Variants in ENOX1 observed in about 807,000 individuals in gnomAD.
The protein encoded by ENOX1 is ecto-NOX disulfide-thiol exchanger 1.
A neutral mutation model predicts 82.5 loss-of-function variants in ENOX1; 42 were observed. The observed-to-expected ratio is 0.51, with a 90% CI of 0.40 to 0.66. The LOEUF is 0.66. Among genes scored for constraint, ENOX1 ranks in the 30% least tolerant of loss-of-function variants. ENOX1 has a pLI of 0.00. For synonymous variants in ENOX1, 271 were observed against 282.2 expected (o/e 0.96, Z 0.40); for missense variants, 608 against 811.6 (o/e 0.75, Z 3.05).
intron 1 of ENOX1, among the ~76,000 whole-genome samples, chr13:43,685,084 C>G (rs960036898): frequency 1.3e-5 from 2 of 152,120 alleles, no homozygotes; most frequent in Admixed American, 6.6e-5. Flanking sequence ...CCCAGGATCC[C>G]CAAGGCTGTG....
At chr13:43,583,907 A>G (rs2080861951) in intron 2 of ENOX1, among the ~76,000 whole-genome samples, 1 of 152,038 alleles carries the variant, frequency 6.6e-6, no homozygotes, top group Non-Finnish European at 1.5e-5. Flanking sequence ...CCATACTTAA[A>G]CATTTTGACG....
chr13:43,218,137 T>A (rs1257727286), intron 16 of ENOX1, among the ~76,000 whole-genome samples: 1 of 152,236 alleles, frequency 6.6e-6, no homozygotes, highest in East Asian at 1.9e-4. Context: ...AATTACTTAA[T>A]ACATACTTCA....
intron 5 of ENOX1, among the ~76,000 whole-genome samples, chr13:43,382,079 A>G (rs2052086409): frequency 6.6e-6 from 1 of 152,104 alleles, no homozygotes; most frequent in South Asian, 2.1e-4. Context: ...AAAACTATAG[A>G]CAATATTCAG....
At chr13:43,725,723 T>C (rs1056698310) in intron 1 of ENOX1, among the ~76,000 whole-genome samples, 1 of 150,710 alleles carries the variant, frequency 6.6e-6, no homozygotes, top group Non-Finnish European at 1.5e-5. Context: ...CCTAGCACTT[T>C]GGGAGGCAGA....
intron 3 of ENOX1, among the ~76,000 whole-genome samples, chr13:43,479,736 C>A (rs921356235): frequency 6.6e-6 from 1 of 152,110 alleles, no homozygotes; most frequent in African/African-American, 2.4e-5. Flanking sequence ...GGGGGCTACA[C>A]CCAGCTCCAT....
chr13:43,783,814 T>G (rs1266435877), intron 1 of ENOX1, among the ~76,000 whole-genome samples: 6 of 152,158 alleles, frequency 3.9e-5, no homozygotes, highest in Non-Finnish European at 5.9e-5. Flanking sequence ...CAATAATTCT[T>G]ATTATAATAA....
intron 2 of ENOX1, among the ~76,000 whole-genome samples, chr13:43,509,141 G>C (rs994319336): frequency 2.0e-5 from 3 of 151,858 alleles, no homozygotes; most frequent in Admixed American, 2.0e-4. Context: ...CAATATTTTA[G>C]AACAGATGAC....
chr13:43,610,096 TG>T (rs1302606593), intron 2 of ENOX1, among the ~76,000 whole-genome samples: 1 of 152,208 alleles, frequency 6.6e-6, no homozygotes, highest in Non-Finnish European at 1.5e-5. Flanking sequence ...TTCCAAATGC[TG>T]GGAATTGCAA....
chr13:43,580,012 C>A (rs1315684986), intron 2 of ENOX1, among the ~76,000 whole-genome samples: 2 of 151,826 alleles, frequency 1.3e-5, no homozygotes, highest in African/African-American at 2.4e-5. Flanking sequence ...AAGGGGTGCA[C>A]CCACATGCAA....
At chr13:43,736,319 G>A (rs142488297) in intron 1 of ENOX1, among the ~76,000 whole-genome samples, 22 of 152,202 alleles carry the variant, frequency 1.4e-4, no homozygotes, top group East Asian at 1.2e-3. Flanking sequence ...CTAATCAACC[G>A]GTTATGTATC....
intron 11 of ENOX1, among the ~76,000 whole-genome samples, chr13:43,305,095 G>A (rs1297772264): frequency 1.3e-5 from 2 of 152,116 alleles, no homozygotes; most frequent in Non-Finnish European, 2.9e-5. Context: ...TTCATCATTG[G>A]TAGCCTCATT....
intron 9 of ENOX1, among the ~76,000 whole-genome samples, chr13:43,342,415 G>A (rs1006512359): frequency 3.3e-5 from 5 of 152,138 alleles, no homozygotes; most frequent in African/African-American, 1.2e-4. Context: ...TTATGAGAAT[G>A]GGAAGGAAAA....
At chr13:43,624,825 G>C (rs1163629323) in intron 2 of ENOX1, among the ~76,000 whole-genome samples, 1 of 151,994 alleles carries the variant, frequency 6.6e-6, no homozygotes, top group Non-Finnish European at 1.5e-5. Flanking sequence ...AAATTGCCTA[G>C]ACTAAGTCCT....
intron 11 of ENOX1, among the ~76,000 whole-genome samples, chr13:43,299,338 CT>C (rs1468757330): frequency 2.0e-5 from 3 of 152,002 alleles, no homozygotes; most frequent in Non-Finnish European, 4.4e-5. Context: ...AGGGAAATCC[CT>C]TTCCCTAGTT....
intron 14 of ENOX1, among the ~76,000 whole-genome samples, chr13:43,241,042 C>G (rs908132831): frequency 1.3e-5 from 2 of 152,186 alleles, no homozygotes; most frequent in African/African-American, 2.4e-5. Context: ...CTTCTGGGAA[C>G]AGTCTCTCAG....
At chr13:43,456,201 A>G (rs879406013) in intron 3 of ENOX1, among the ~76,000 whole-genome samples, 7 of 151,938 alleles carry the variant, frequency 4.6e-5, no homozygotes, top group Non-Finnish European at 8.8e-5. Context: ...GCTTCCTGAA[A>G]TATCTATATC....
intron 2 of ENOX1, among the ~76,000 whole-genome samples, chr13:43,605,193 A>G (rs1347958787): frequency 6.6e-6 from 1 of 152,190 alleles, no homozygotes; most frequent in African/African-American, 2.4e-5. Context: ...TTTCATGTGC[A>G]TGGGCTGGAA....
intron 14 of ENOX1, among the ~76,000 whole-genome samples, chr13:43,240,103 G>A (rs1367339208): frequency 6.6e-6 from 1 of 152,156 alleles, no homozygotes; most frequent in Admixed American, 6.5e-5. Flanking sequence ...TTAAGGCGAA[G>A]GGAATACACA....
intron 5 of ENOX1, among the ~76,000 whole-genome samples, chr13:43,397,712 T>C (rs981491935): frequency 1.3e-5 from 2 of 152,236 alleles, no homozygotes; most frequent in Admixed American, 6.5e-5. Context: ...ATAATGTCCC[T>C]GTTAAAGAGG....
Sources: allele counts gnomAD v4.1 joint callset (sites outside exome capture counted in the v4.1 genomes callset), GRCh38; gene constraint gnomAD v4.1.1; transcripts MANE v1.5; gene names NCBI Gene and HGNC (gene_info 2026-07-23, HGNC 2026-07-21).